Variants in SUPT4H1 observed in about 807,000 individuals in gnomAD.
SUPT4H1 encodes the protein transcription elongation factor SPT4.
In SUPT4H1, 12 loss-of-function variants were observed where a neutral mutation model predicts 19.4. That is an observed-to-expected ratio of 0.62 (90% CI 0.40 to 1.00). SUPT4H1 has a LOEUF of 1.00. Among genes scored for constraint, SUPT4H1 ranks in the 50% least tolerant of loss-of-function variants. The pLI, the probability that SUPT4H1 is intolerant of heterozygous loss-of-function variation, is 0.00. For synonymous variants in SUPT4H1, 58 were observed against 56.3 expected, an observed-to-expected ratio of 1.03 and a Z score of -0.14; for missense variants, 115 against 149.2, an observed-to-expected ratio of 0.77 and a Z score of 1.19.
At chr17:58,347,404 G>C in intron 3 of SUPT4H1, 125 bp downstream of exon 3, 1 of 1,383,546 alleles carries the variant, frequency 7.2e-7, no homozygotes, top group Non-Finnish European at 1.0e-6. Context: ...GCTTCCCTGT[G>C]TTTCCTACAA....
intron 2 of SUPT4H1, among the ~76,000 whole-genome samples, chr17:58,349,586 CA>C (rs1207284491): frequency 6.6e-6 from 1 of 152,150 alleles, no homozygotes; most frequent in Non-Finnish European, 1.5e-5. Flanking sequence ...ATTTGTATAC[CA>C]ATGTTCACAG....
At chr17:58,351,976 C>T in intron 1 of SUPT4H1, 91 bp downstream of exon 1, 1 of 1,412,768 alleles carries the variant, frequency 7.1e-7, no homozygotes, top group Middle Eastern at 1.8e-4. Context: ...TGAGACTTAA[C>T]TTTTCTCTTT....
At chr17:58,346,341 G>A (rs760532100) in intron 4 of SUPT4H1, 28 bp from the exon 5 acceptor site, 33 of 1,609,054 alleles carry the variant, frequency 2.1e-5, no homozygotes, top group Non-Finnish European at 2.8e-5. Flanking sequence ...ACAGTTCTGT[G>A]AGGTAAGATT....
intron 2 of SUPT4H1, 105 bp downstream of exon 2, chr17:58,351,297 A>G: frequency 2.7e-6 from 2 of 742,522 alleles, no homozygotes; most frequent in Non-Finnish European, 4.4e-6. Context: ...AACCCCCAAA[A>G]ACGAATGGCT....
intron 2 of SUPT4H1, among the ~76,000 whole-genome samples, chr17:58,349,921 G>C (rs1430325388): frequency 6.6e-6 from 1 of 152,222 alleles, no homozygotes; most frequent in Non-Finnish European, 1.5e-5. Flanking sequence ...GATGAAAAAA[G>C]TTCTGGAGAT....
intron 2 of SUPT4H1, among the ~76,000 whole-genome samples, chr17:58,349,969 T>A (rs1279792788): frequency 6.6e-6 from 1 of 152,218 alleles, no homozygotes; most frequent in African/African-American, 2.4e-5. Flanking sequence ...GAGTATGCAC[T>A]AATGCCACTG....
chr17:58,347,209 C>G lies in SUPT4H1; in HGVS notation c.265G>C (p.Val89Leu). ...TTACCTTGGGGCAGGCGACCAGTGA[C>G]TGACACCGCATATACACCTGGCTTA... ...NFKPGVYAVS[V>L]TGRLPQGIVR... Residue 89 changes from valine (V) to leucine (L), a missense_variant, in exon 4 of 5, where the codon GTC becomes CTC. Physicochemically the swap from Val to Leu is conservative, Grantham distance 32 (BLOSUM62 1). Coordinates refer to ENST00000225504, the MANE Select transcript of SUPT4H1 (RefSeq NM_003168.3). 6.2e-7 allele frequency: 1 copy of G among 1,614,180 alleles called. No homozygotes were observed. The highest frequency in any genetic ancestry group is 8.5e-7 in the Non-Finnish European group (1 of 1,180,030).
chr17:58,351,722 T>C, intron 1 of SUPT4H1: 2 of 580,844 alleles, frequency 3.4e-6, no homozygotes, highest in South Asian at 2.1e-5. Flanking sequence ...GTTTTATCTA[T>C]TCCTTTCTCT....
chr17:58,352,147 G>C lies in SUPT4H1; in HGVS notation c.-12C>G, dbSNP rs201720123. The C allele has an allele frequency of 4.2e-4, 682 of 1,614,026 alleles. 4 individuals are homozygous for C. In the African/African-American group the frequency reaches 7.9e-3, roughly 19 times the overall value. On this transcript the variant is annotated 5_prime_UTR_variant, in exon 1 of 5. Transcript: ENST00000225504. ...GTCTCCAGGGCCATCTTCGCCGATG[G>C]GAAGAACAACAGGGAGATAGACGAC...
rs1972254519 is a variant in SUPT4H1 at position 58,345,517 on chromosome 17, G to A, written c.*729C>T. Reference sequence around the variant, plus strand: ...GACTCAATGGTCGCCCAAGGCCCAAGGGTCTCCAGTGAGTGCTTGAGACTG... The same window carrying A: ...GACTCAATGGTCGCCCAAGGCCCAAAGGTCTCCAGTGAGTGCTTGAGACTG... On this transcript the variant is annotated 3_prime_UTR_variant, in exon 5 of 5. Coordinates refer to ENST00000225504, the MANE Select transcript of SUPT4H1 (RefSeq NM_003168.3). 6.6e-6 allele frequency: 1 copy of A among 152,060 alleles called. No individual in the cohort carries two copies. Among genetic ancestry groups the A allele is most frequent in the East Asian group, 1.9e-4 (1 of 5,184 alleles). The allele number at this position is 152,060 out of a possible 1,614,324, so 9.4% of individuals were successfully genotyped here.
chr17:58,351,982 TCTTTA>T, intron 1 of SUPT4H1, 80 bp downstream of exon 1: 1 of 1,446,758 alleles, frequency 6.9e-7, no homozygotes, highest in Non-Finnish European at 9.7e-7. Flanking sequence ...TTAACTTTTC[TCTTTA>T]CTGTCCCACA....
At chr17:58,352,039 G>A in intron 1 of SUPT4H1, 28 bp downstream of exon 1, 1 of 1,613,144 alleles carries the variant, frequency 6.2e-7, no homozygotes, top group South Asian at 1.1e-5. Context: ...TCCCCCATGG[G>A]CCCTACAACC....
chr17:58,351,774 G>A, intron 1 of SUPT4H1: 2 of 569,702 alleles, frequency 3.5e-6, no homozygotes, highest in South Asian at 4.3e-5. Flanking sequence ...TACTCACTCA[G>A]CAGCGGATCC....
In SUPT4H1 at chr17:58,351,401, C is replaced by T. The variant is rs1340613424; in HGVS notation, c.176+1G>A. The T allele has an allele frequency of 6.2e-7, 1 of 1,605,470 alleles. No individual in the cohort carries two copies. The highest frequency in any genetic ancestry group is 2.2e-5 in the East Asian group (1 of 44,842). On this transcript the variant is annotated splice_donor_variant, in intron 2 of 4. Coordinates refer to ENST00000225504, the MANE Select transcript of SUPT4H1 (RefSeq NM_003168.3). LOFTEE classifies it high-confidence loss of function. ...GAATGATGGAAACTGAAGCGGCTTACCCATCAAAGGAAGAGCTAGTGCAGT... is the reference window on the plus strand; with the variant it reads ...GAATGATGGAAACTGAAGCGGCTTATCCATCAAAGGAAGAGCTAGTGCAGT...
chr17:58,349,634 C>T (rs1191899937), intron 2 of SUPT4H1, among the ~76,000 whole-genome samples: 1 of 152,120 alleles, frequency 6.6e-6, no homozygotes, highest in East Asian at 1.9e-4. Context: ...GGAGAAACAA[C>T]CCAAGATATC....
chr17:58,349,944 C>T (rs574544770), intron 2 of SUPT4H1, among the ~76,000 whole-genome samples: 2 of 152,234 alleles, frequency 1.3e-5, no homozygotes, highest in African/African-American at 4.8e-5. Context: ...ATGGTGGTGA[C>T]GGTTGCACAA....
intron 2 of SUPT4H1, among the ~76,000 whole-genome samples, chr17:58,349,290 G>A (rs995180463): frequency 2.0e-5 from 3 of 152,162 alleles, no homozygotes; most frequent in African/African-American, 7.2e-5. Context: ...AATAGAAATC[G>A]TTTTCAAATT....
At chr17:58,346,798 A>G (rs975244094) in intron 4 of SUPT4H1, among the ~76,000 whole-genome samples, 1 of 151,120 alleles carries the variant, frequency 6.6e-6, no homozygotes, top group Non-Finnish European at 1.5e-5. Flanking sequence ...GGTAAGAATG[A>G]GAAGAAAAAG....
chr17:58,352,047 A>T lies in SUPT4H1; in HGVS notation c.69+20T>A. 1 of 1,613,630 alleles carries T rather than the reference A, an allele frequency of 6.2e-7. No homozygotes were observed. Among genetic ancestry groups the T allele is most frequent in the Non-Finnish European group, 8.5e-7 (1 of 1,179,702 alleles). ...ACCTTGGTCCCCCATGGGCCCTACAACCAGGTCCCCGACTGACACCTTGAC... is the reference window on the plus strand; with the variant it reads ...ACCTTGGTCCCCCATGGGCCCTACATCCAGGTCCCCGACTGACACCTTGAC... On this transcript the variant is annotated intron_variant, in intron 1 of 4. Coordinates refer to ENST00000225504, the MANE Select transcript of SUPT4H1 (RefSeq NM_003168.3).
Sources: gnomAD v4.1 joint callset for allele counts (sites outside exome capture counted in the v4.1 genomes callset) on GRCh38, gnomAD v4.1.1 for gene constraint, MANE v1.5 for transcripts, NCBI Gene and HGNC (gene_info 2026-07-23, HGNC 2026-07-21) for gene names.